MYO1B: variants seen among roughly 807,000 people sequenced by gnomAD.
The protein encoded by MYO1B is myosin IB, also known as unconventional myosin-Ib.
In MYO1B, 72 loss-of-function variants were observed where a neutral mutation model predicts 159.7. The ratio of observed to expected loss-of-function variants is 0.45; its 90% CI spans 0.37 to 0.55. The LOEUF is 0.55. Ranked by LOEUF, MYO1B falls within the 20% of genes least tolerant of loss-of-function variation. The probability of loss-of-function intolerance (pLI) is 0.00; values close to 1 mark genes in which losing one functional copy is unlikely to be tolerated. For synonymous variants in MYO1B, 468 were observed against 473.8 expected, an observed-to-expected ratio of 0.99 and a Z score of 0.16; for missense variants, 1,062 against 1,364.8, an observed-to-expected ratio of 0.78 and a Z score of 3.50.
At chr2:191,411,218 TTC>T (rs1182459794) in intron 27 of MYO1B, 46 bp downstream of exon 27, 11 of 1,285,322 alleles carry the variant, frequency 8.6e-6, no homozygotes, top group Admixed American at 2.3e-5. Flanking sequence ...TTATAAAAGT[TTC>T]TCAAGTATAT....
chr2:191,258,570 T>G (rs1201739984), intron 1 of MYO1B, among the ~76,000 whole-genome samples: 4 of 152,220 alleles, frequency 2.6e-5, no homozygotes, highest in Non-Finnish European at 4.4e-5. Flanking sequence ...TTATGGGACC[T>G]CCATTATATG....
chr2:191,328,290 C>T (rs1263994476), intron 3 of MYO1B, among the ~76,000 whole-genome samples: 1 of 152,190 alleles, frequency 6.6e-6, no homozygotes, highest in Admixed American at 6.5e-5. Flanking sequence ...AAGTCCTTGA[C>T]TGGTGTGAAC....
chr2:191,411,682 G>A (rs1456006119), intron 27 of MYO1B, among the ~76,000 whole-genome samples: 1 of 152,154 alleles, frequency 6.6e-6, no homozygotes, highest in Non-Finnish European at 1.5e-5. Flanking sequence ...CTAACTCAAC[G>A]GATATGACTT....
Position 191,414,166 on chromosome 2 carries a change from C to T in MYO1B, c.2992C>T (p.Arg998Cys). The change falls in exon 28 of 31, where the codon CGT becomes TGT. Residue 998 changes from arginine to cysteine, a missense_variant. Physicochemically the swap from Arg to Cys is radical, Grantham distance 180 (BLOSUM62 -3). Around this residue, in one of 5 missense-constraint regions of MYO1B, gnomAD observed 609 missense variants for 744.4 expected, o/e 0.82. Coordinates refer to ENST00000392318, the MANE Select transcript of MYO1B (RefSeq NM_001130158.3). ...IIAEVVNKIN[R>C]ANGKSTSRIF... ...TGCTGAAGTCGTGAACAAAATTAAC[C>T]GTGCTAATGGGAAGGTAAAAATGCT... The T allele has an allele frequency of 6.2e-7, 1 of 1,611,752 alleles. No individual in the cohort carries two copies. The highest frequency in any genetic ancestry group is 8.5e-7 in the Non-Finnish European group (1 of 1,179,156).
chr2:191,405,811 C>T (rs1052949778), intron 24 of MYO1B, among the ~76,000 whole-genome samples: 3 of 152,200 alleles, frequency 2.0e-5, no homozygotes, highest in African/African-American at 4.8e-5. Context: ...AGCACACAGG[C>T]GGAGTAGATT....
At chr2:191,336,160 CAT>C (rs1691822540) in intron 4 of MYO1B, among the ~76,000 whole-genome samples, 1 of 152,154 alleles carries the variant, frequency 6.6e-6, no homozygotes, top group Admixed American at 6.5e-5. Flanking sequence ...CGTTAGGAAA[CAT>C]AATTATTTGG....
chr2:191,369,294 A>G (rs971810072), intron 11 of MYO1B, among the ~76,000 whole-genome samples: 1 of 152,228 alleles, frequency 6.6e-6, no homozygotes, highest in Non-Finnish European at 1.5e-5. Flanking sequence ...TGAAATAAAT[A>G]TCTTTGTGGT....
chr2:191,409,334 T>A (rs1390690526), intron 26 of MYO1B, among the ~76,000 whole-genome samples, 156 bp downstream of exon 26: 1 of 152,344 alleles, frequency 6.6e-6, no homozygotes, highest in East Asian at 1.9e-4. Context: ...CATATTGAGT[T>A]TCTACGAGAG....
intron 21 of MYO1B, among the ~76,000 whole-genome samples, chr2:191,397,634 T>C (rs1696208487): frequency 6.8e-6 from 1 of 146,896 alleles, no homozygotes; most frequent in Non-Finnish European, 1.5e-5. Flanking sequence ...CTCAATTTTT[T>C]CCCCACCCTT....
intron 11 of MYO1B, among the ~76,000 whole-genome samples, chr2:191,368,317 C>G (rs946004220): frequency 1.3e-5 from 2 of 152,188 alleles, no homozygotes; most frequent in East Asian, 3.8e-4. Flanking sequence ...TACACACATA[C>G]GGCCAGCATG....
intron 21 of MYO1B, among the ~76,000 whole-genome samples, chr2:191,400,091 C>G (rs1208602008): frequency 6.6e-5 from 10 of 152,202 alleles, no homozygotes; most frequent in Non-Finnish European, 4.4e-5. Flanking sequence ...AGAACTGTTT[C>G]ATCCCACAGA....
chr2:191,390,913 C>T lies in MYO1B; in HGVS notation c.1982+421C>T, dbSNP rs116311916. 3.6e-3 allele frequency among the ~76,000 whole-genome samples: 554 copies of T among 152,322 alleles called. 7 individuals are homozygous for T. Among genetic ancestry groups the T allele is most frequent in the African/African-American group, 0.013 (530 of 41,570 alleles). On this transcript the variant is annotated intron_variant, in intron 18 of 30. Coordinates refer to ENST00000392318, the MANE Select transcript of MYO1B (RefSeq NM_001130158.3). Reference sequence around the variant, plus strand: ...ATATCTATACCAGTTAATCAATAGACGATACGAGCAGGTAGGATTCACAGT... The same window carrying T: ...ATATCTATACCAGTTAATCAATAGATGATACGAGCAGGTAGGATTCACAGT...
chr2:191,286,341 TAA>T (rs879581144), intron 2 of MYO1B, among the ~76,000 whole-genome samples: 23 of 142,854 alleles, frequency 1.6e-4, no homozygotes, highest in African/African-American at 1.5e-4. Context: ...ACTGTGTCTT[TAA>T]AAAAAAAAAA....
chr2:191,323,943 A>G (rs1226882804), intron 3 of MYO1B, among the ~76,000 whole-genome samples: 1 of 152,272 alleles, frequency 6.6e-6, no homozygotes, highest in East Asian at 1.9e-4. Context: ...CTCATTTTCT[A>G]AGATAATTTT....
intron 3 of MYO1B, among the ~76,000 whole-genome samples, chr2:191,302,150 G>A (rs1340211041): frequency 6.6e-6 from 1 of 152,188 alleles, no homozygotes; most frequent in East Asian, 1.9e-4. Flanking sequence ...GACTTGGTCA[G>A]CCCCAGCATA....
chr2:191,322,760 A>T (rs967331342), intron 3 of MYO1B, among the ~76,000 whole-genome samples: 1 of 152,126 alleles, frequency 6.6e-6, no homozygotes, highest in Non-Finnish European at 1.5e-5. Flanking sequence ...TTCTTGTCCA[A>T]TTATGTGGGT....
At chr2:191,350,620 T>G (rs1574485905) in intron 7 of MYO1B, among the ~76,000 whole-genome samples, 1 of 152,204 alleles carries the variant, frequency 6.6e-6, no homozygotes, top group East Asian at 1.9e-4. Flanking sequence ...AATTATAACT[T>G]TTGAAGTAAT....
chr2:191,336,550 A>C (rs953596226), intron 4 of MYO1B, among the ~76,000 whole-genome samples: 1 of 152,190 alleles, frequency 6.6e-6, no homozygotes, highest in African/African-American at 2.4e-5. Context: ...GGCTTATTTC[A>C]ATAAAAACAT....
chr2:191,257,569 T>C (rs1414681366), intron 1 of MYO1B, among the ~76,000 whole-genome samples: 3 of 152,256 alleles, frequency 2.0e-5, no homozygotes. Context: ...AGCTTTTCTT[T>C]CATGCTGCTC....
Sources: gnomAD v4.1 joint callset for allele counts (sites outside exome capture counted in the v4.1 genomes callset) on GRCh38, gnomAD v4.1.1 for gene constraint, gnomAD v4.1.1 regional missense constraint, MANE v1.5 for transcripts, NCBI Gene and HGNC (gene_info 2026-07-23, HGNC 2026-07-21) for gene names.